Variants in LINGO2 observed in about 807,000 individuals in gnomAD.
The protein encoded by LINGO2 is leucine rich repeat and Ig domain containing 2.
In LINGO2, 14 loss-of-function variants were observed where a neutral mutation model predicts 30.6. The observed-to-expected ratio is 0.46, with a 90% CI of 0.30 to 0.72. The LOEUF (loss-of-function observed/expected upper bound fraction) is 0.72, where lower values mean the gene tolerates loss of function less well. LINGO2 is among the 30% of genes least tolerant of loss of function. LINGO2 has a pLI of 0.07. For synonymous variants in LINGO2, 317 were observed against 288.5 expected (o/e 1.10, Z -1.00); for missense variants, 729 against 751.7 (o/e 0.97, Z 0.35).
intron 1 of LINGO2, among the ~76,000 whole-genome samples, chr9:28,510,364 T>C (rs993144194): frequency 6.6e-6 from 1 of 152,066 alleles, no homozygotes; most frequent in African/African-American, 2.4e-5. Context: ...TATTATAATA[T>C]ATTCTTATAA....
chr9:28,688,564 G>A, the LINGO2 span, among the ~76,000 whole-genome samples: 13 of 152,248 alleles, frequency 8.5e-5, no homozygotes, highest in East Asian at 9.7e-4. Flanking sequence ...GAAATTGCCC[G>A]AGGAAGAATG....
At chr9:28,793,562 C>G in the LINGO2 span, among the ~76,000 whole-genome samples, 1 of 152,140 alleles carries the variant, frequency 6.6e-6, no homozygotes, top group African/African-American at 2.4e-5. Context: ...ATGGTAGAGC[C>G]TTATGGTTTG....
At chr9:28,005,402 A>G (rs1001889322) in intron 5 of LINGO2, among the ~76,000 whole-genome samples, 1 of 152,192 alleles carries the variant, frequency 6.6e-6, no homozygotes, top group Admixed American at 6.5e-5. Context: ...ATGAGACAGG[A>G]TTAAAAAACT....
At chr9:28,988,788 G>C in the LINGO2 span, among the ~76,000 whole-genome samples, 1,429 of 152,314 alleles carry the variant, frequency 9.4e-3, 31 homozygotes, top group African/African-American at 0.032. Context: ...GCCTACCTGG[G>C]GGAGTGGGAC....
chr9:28,643,360 G>T (rs1159672920), intron 1 of LINGO2, among the ~76,000 whole-genome samples: 1 of 151,908 alleles, frequency 6.6e-6, no homozygotes, highest in African/African-American at 2.4e-5. Context: ...CAACGGAACA[G>T]AATAGAAGAC....
chr9:28,019,554 T>C (rs1340068374), intron 4 of LINGO2, among the ~76,000 whole-genome samples: 1 of 152,052 alleles, frequency 6.6e-6, no homozygotes. Context: ...GAGTATTTGC[T>C]CATATTTGCT....
the LINGO2 span, among the ~76,000 whole-genome samples, chr9:28,738,495 C>T: frequency 6.6e-6 from 1 of 151,888 alleles, no homozygotes; most frequent in African/African-American, 2.4e-5. Context: ...CCCTATGATG[C>T]TTTCAAGCAT....
chr9:28,147,845 C>T lies in LINGO2; in HGVS notation c.-86-135440G>A, dbSNP rs957129496. Among the ~76,000 whole-genome samples, 1 of 152,186 alleles carries T rather than the reference C, an allele frequency of 6.6e-6. No homozygotes were observed. The highest frequency in any genetic ancestry group is 1.5e-5 in the Non-Finnish European group (1 of 68,024). The stretch of plus-strand genomic sequence containing the variant: ...CTGGGCTCCTAAGCACTCCTCCACA[C>T]CCTGGCTCTGTCACCAGCCCCATAG... On this transcript the variant is annotated intron_variant, in intron 4 of 5. Transcript: ENST00000379992. The surrounding 1 kb of genome is among the most constrained non-coding windows in gnomAD (Gnocchi z 4.7).
intron 4 of LINGO2, among the ~76,000 whole-genome samples, chr9:28,155,609 T>C (rs545375093): frequency 6.6e-6 from 1 of 152,206 alleles, no homozygotes; most frequent in Non-Finnish European, 1.5e-5. Context: ...TTAAGTCATA[T>C]CTAACTGTTT....
At chr9:29,001,040 C>T in the LINGO2 span, among the ~76,000 whole-genome samples, 22 of 151,720 alleles carry the variant, frequency 1.5e-4, no homozygotes, top group African/African-American at 4.6e-4. Flanking sequence ...TTCATGCATA[C>T]GACAAAAGAG....
At chr9:28,664,296 A>G (rs1173786509) in intron 1 of LINGO2, among the ~76,000 whole-genome samples, 1 of 152,086 alleles carries the variant, frequency 6.6e-6, no homozygotes, top group African/African-American at 2.4e-5. Context: ...TAGGGGAGCT[A>G]TCTGCAAGGA....
chr9:29,203,595 G>C, the LINGO2 span, among the ~76,000 whole-genome samples: 1 of 149,436 alleles, frequency 6.7e-6, no homozygotes, highest in Non-Finnish European at 1.5e-5. Flanking sequence ...ATGTTACTAA[G>C]ACTAACATAT....
chr9:28,723,788 A>T, the LINGO2 span, among the ~76,000 whole-genome samples: 1 of 152,142 alleles, frequency 6.6e-6, no homozygotes, highest in African/African-American at 2.4e-5. Context: ...AAAGTATGGA[A>T]ATAGGTATGT....
chr9:27,982,495 G>C (rs1018472133), intron 5 of LINGO2, among the ~76,000 whole-genome samples: 4 of 151,690 alleles, frequency 2.6e-5, no homozygotes, highest in African/African-American at 9.7e-5. Flanking sequence ...CTACATATCA[G>C]GTTCTAAGAA....
chr9:28,373,925 A>T (rs1821009722), intron 2 of LINGO2, among the ~76,000 whole-genome samples: 1 of 150,996 alleles, frequency 6.6e-6, no homozygotes, highest in Non-Finnish European at 1.5e-5. Context: ...AAAGATATGG[A>T]TTCAGACAAG....
At chr9:28,722,406 T>C in the LINGO2 span, among the ~76,000 whole-genome samples, 8 of 152,118 alleles carry the variant, frequency 5.3e-5, no homozygotes, top group African/African-American at 1.9e-4. Flanking sequence ...GAAAAGTTCA[T>C]TTTATACTGT....
At chr9:28,241,879 G>C (rs1219002856) in intron 4 of LINGO2, among the ~76,000 whole-genome samples, 1 of 152,106 alleles carries the variant, frequency 6.6e-6, no homozygotes, top group African/African-American at 2.4e-5. Context: ...CCCTACAGAA[G>C]AGGGACCTGA....
intron 3 of LINGO2, among the ~76,000 whole-genome samples, chr9:28,301,578 T>C (rs905521949): frequency 3.3e-5 from 5 of 152,208 alleles, no homozygotes; most frequent in African/African-American, 1.2e-4. Context: ...GACACACTCA[T>C]GTTTAAGAAC....
chr9:28,905,522 G>T, the LINGO2 span, among the ~76,000 whole-genome samples: 64 of 151,920 alleles, frequency 4.2e-4, no homozygotes, highest in Non-Finnish European at 6.6e-4. Context: ...ATATAGAAAT[G>T]GACAAATTTT....
Sources: gnomAD v4.1 joint callset for allele counts (sites outside exome capture counted in the v4.1 genomes callset) on GRCh38, gnomAD v4.1.1 for gene constraint, Gnocchi (gnomAD v3.1) non-coding constraint, MANE v1.5 for transcripts, NCBI Gene and HGNC (gene_info 2026-07-23, HGNC 2026-07-21) for gene names.